The following RMDN2 variants were observed in gnomAD, a reference collection of about 807,000 sequenced individuals.
The protein encoded by RMDN2 is regulator of microtubule dynamics 2.
A neutral mutation model predicts 52.8 loss-of-function variants in RMDN2; 61 were observed. That is an observed-to-expected ratio of 1.16 (90% CI 0.94 to 1.43). The LOEUF (loss-of-function observed/expected upper bound fraction) is 1.43. Among genes scored for constraint, RMDN2 ranks in the 40% most tolerant of loss-of-function variants. The pLI is 0.00. For missense variants in RMDN2, 592 were observed against 475.3 expected, an observed-to-expected ratio of 1.25 and a Z score of -2.28; for synonymous variants, 180 against 153.1, an observed-to-expected ratio of 1.18 and a Z score of -1.30.
chr2:37,966,492 A>G (rs889746814), intron 2 of RMDN2, among the ~76,000 whole-genome samples: 40 of 152,186 alleles, frequency 2.6e-4, no homozygotes, highest in Non-Finnish European at 3.5e-4. Flanking sequence ...GTTTCTTCAA[A>G]TTAGCTTACT....
chr2:38,039,047 T>TACACACAC lies in RMDN2; in HGVS notation c.1714-27895_1714-27888dup, dbSNP rs71414270. 1.8e-3 allele frequency among the ~76,000 whole-genome samples: 233 copies of TACACACAC among 127,364 alleles called. 1 individual carries two copies. Among genetic ancestry groups the TACACACAC allele is most frequent in the Non-Finnish European group, 3.0e-3 (168 of 56,912 alleles). The allele number at this position is 127,364 out of a possible 152,430, so 83.6% of individuals were successfully genotyped here. ...GCAACAGTTTAAAAGCCAGATGCTA[T>TACACACAC]ACACACACACACACACACACACACA... On this transcript the variant is annotated intron_variant, in intron 10 of 10. Coordinates refer to the RMDN2 transcript ENST00000234195.
intron 2 of RMDN2, among the ~76,000 whole-genome samples, chr2:37,963,814 C>G (rs1163789191): frequency 6.6e-6 from 1 of 152,220 alleles, no homozygotes; most frequent in Non-Finnish European, 1.5e-5. Flanking sequence ...ATGGCCCGTT[C>G]TCAATGAGCT....
intron 7 of RMDN2, among the ~76,000 whole-genome samples, chr2:37,995,366 C>CTACT (rs1553372281): frequency 4.2e-5 from 6 of 141,762 alleles, no homozygotes; most frequent in South Asian, 2.2e-4. Context: ...ACTACTACTA[C>CTACT]ACACACACAC....
chr2:37,987,577 G>C (rs1464661559), intron 5 of RMDN2, among the ~76,000 whole-genome samples: 1 of 152,106 alleles, frequency 6.6e-6, no homozygotes, highest in Non-Finnish European at 1.5e-5. Flanking sequence ...GATTTTTATA[G>C]GAAGTAAAAC....
In RMDN2 at chr2:37,929,294, A is replaced by G. The variant is rs138508519; in HGVS notation, c.17A>G (p.Asn6Ser). 4.4e-5 allele frequency: 68 copies of G among 1,530,632 alleles called. 2 individuals are homozygous for G. In the African/African-American group the frequency reaches 7.5e-4, roughly 17 times the overall value. 94.8% of individuals were successfully genotyped at this position (1,530,632 alleles called of 1,614,324 possible). A position where few individuals can be genotyped will look rare whatever the true frequency, so the allele number is the denominator to read the frequency against. Residue 6 changes from asparagine (N) to serine (S), a missense_variant, in exon 2 of 11, where the codon AAC becomes AGC. Asn to Ser is a conservative substitution (Grantham distance 46). Coordinates refer to ENST00000354545, the MANE Select transcript of RMDN2 (RefSeq NM_001170791.3). MPYST[N>S]KELILGIMVG... ...AACCAAGAAATGCCTTATTCCACAA[A>G]CAAAGAGTTGATACTTGGCATCATG... is the stretch of plus-strand genomic sequence containing the variant.
At chr2:38,062,776 C>A (rs866258151) in intron 10 of RMDN2, among the ~76,000 whole-genome samples, 11 of 120,834 alleles carry the variant, frequency 9.1e-5, no homozygotes, top group Admixed American at 2.6e-4. Flanking sequence ...CCTTCCCCCC[C>A]CCCACAACAG....
At chr2:37,954,873 T>G (rs1300468666) in intron 2 of RMDN2, among the ~76,000 whole-genome samples, 1 of 152,136 alleles carries the variant, frequency 6.6e-6, no homozygotes, top group African/African-American at 2.4e-5. Flanking sequence ...TTAAATTCTT[T>G]CAACAATGTT....
At chr2:37,924,557 G>A (rs1247764491), upstream of RMDN2, among the ~76,000 whole-genome samples, 1 of 151,696 alleles carries the variant, frequency 6.6e-6, no homozygotes. Context: ...GTAGAGACAG[G>A]GGTTTCGCCA....
intron 10 of RMDN2, 112 bp downstream of exon 10, chr2:38,004,328 AT>A: frequency 1.4e-6 from 1 of 692,570 alleles, no homozygotes; most frequent in Non-Finnish European, 2.5e-6. Flanking sequence ...AATTTTATGT[AT>A]TTATTTTTAT....
intron 10 of RMDN2, among the ~76,000 whole-genome samples, chr2:38,007,196 G>C (rs1001976898): frequency 6.6e-6 from 1 of 152,164 alleles, no homozygotes; most frequent in African/African-American, 2.4e-5. Context: ...CCAGGCTTTG[G>C]TATCAGGATG....
At chr2:37,950,720 T>G in intron 2 of RMDN2, 2 of 910,188 alleles carry the variant, frequency 2.2e-6, no homozygotes, top group Admixed American at 3.7e-5. Flanking sequence ...AGATATTCAC[T>G]TGAAACATTC....
At chr2:37,958,397 A>G (rs1669769595) in intron 2 of RMDN2, among the ~76,000 whole-genome samples, 1 of 143,824 alleles carries the variant, frequency 7.0e-6, no homozygotes, top group South Asian at 2.1e-4. Context: ...ATTTTATTCT[A>G]TTTGTAGCAA....
chr2:37,964,335 T>A (rs1291133829), intron 2 of RMDN2, among the ~76,000 whole-genome samples: 1 of 152,270 alleles, frequency 6.6e-6, no homozygotes, highest in Non-Finnish European at 1.5e-5. Context: ...ATTTTCCTCC[T>A]ATCACCTCTT....
At chr2:37,943,375 A>G (rs145419234) in intron 2 of RMDN2, among the ~76,000 whole-genome samples, 2 of 152,342 alleles carry the variant, frequency 1.3e-5, no homozygotes, top group African/African-American at 2.4e-5. Flanking sequence ...GAATAGTGGT[A>G]AAAAGCCACA....
At chr2:38,041,710 T>C (rs561460496) in intron 10 of RMDN2, among the ~76,000 whole-genome samples, 1 of 152,296 alleles carries the variant, frequency 6.6e-6, no homozygotes, top group East Asian at 1.9e-4. Flanking sequence ...TATGATTATA[T>C]GAATCTTCCT....
chr2:38,003,315 G>C (rs1217256426), intron 8 of RMDN2, among the ~76,000 whole-genome samples: 1 of 152,172 alleles, frequency 6.6e-6, no homozygotes, highest in Non-Finnish European at 1.5e-5. Flanking sequence ...CACTTTGGGA[G>C]GTCGAGGAGG....
downstream of RMDN2, among the ~76,000 whole-genome samples, chr2:38,020,071 A>G (rs189651377): frequency 2.4e-4 from 36 of 152,208 alleles, no homozygotes; most frequent in East Asian, 6.4e-3. Context: ...GTGGTCCCCA[A>G]CCTTTTTTGG....
At chr2:37,938,935 T>A (rs1667551539) in intron 2 of RMDN2, among the ~76,000 whole-genome samples, 1 of 152,186 alleles carries the variant, frequency 6.6e-6, no homozygotes, top group African/African-American at 2.4e-5. Flanking sequence ...CATCTTCTGC[T>A]AGGTTGTGAA....
intron 10 of RMDN2, among the ~76,000 whole-genome samples, chr2:38,062,068 TAA>T (rs1223419184): frequency 2.0e-5 from 3 of 152,252 alleles, no homozygotes; most frequent in Non-Finnish European, 4.4e-5. Flanking sequence ...CAGCTTCACT[TAA>T]GTTCATTTGC....
Sources: gnomAD v4.1 joint callset for allele counts (sites outside exome capture counted in the v4.1 genomes callset) on GRCh38, gnomAD v4.1.1 for gene constraint, MANE v1.5 for transcripts, NCBI Gene and HGNC (gene_info 2026-07-23, HGNC 2026-07-21) for gene names.